NXPH1: variants seen among roughly 807,000 people sequenced by gnomAD.
NXPH1 encodes the protein neurexophilin-1.
NXPH1 carries 5 observed loss-of-function variants against 23.7 expected under a neutral mutation model. The observed-to-expected ratio is 0.21, with a 90% confidence interval of 0.11 to 0.44. NXPH1 has a LOEUF of 0.44. Ranked by LOEUF, NXPH1 falls within the 20% of genes least tolerant of loss-of-function variation. NXPH1 has a pLI of 0.99. For missense variants in NXPH1, 324 were observed against 321.6 expected (o/e 1.01, Z -0.06); for synonymous variants, 144 against 122.2 (o/e 1.18, Z -1.18).
chr7:8,577,742 G>A (rs1172502832), intron 2 of NXPH1, among the ~76,000 whole-genome samples: 9 of 152,196 alleles, frequency 5.9e-5, no homozygotes, highest in Admixed American at 5.9e-4. Flanking sequence ...CTGTGTAACT[G>A]AACAAGTATT....
chr7:8,495,858 G>A (rs1046213380), intron 2 of NXPH1, among the ~76,000 whole-genome samples: 30 of 152,008 alleles, frequency 2.0e-4, no homozygotes, highest in African/African-American at 6.3e-4. Context: ...GGCTGCCACG[G>A]TATTTGTTTG....
chr7:8,551,195 T>C (rs1188459651), intron 2 of NXPH1, among the ~76,000 whole-genome samples: 2 of 151,572 alleles, frequency 1.3e-5, no homozygotes, highest in Admixed American at 1.3e-4. Flanking sequence ...TATTATACCC[T>C]ATTCAATTTC....
In NXPH1 at chr7:8,435,991, T is replaced by C; in HGVS notation, c.54+224T>C. Among the ~76,000 whole-genome samples the C allele has an allele frequency of 6.6e-6, 1 of 152,168 alleles. No individual in the cohort carries two copies. Among genetic ancestry groups the C allele is most frequent in the Non-Finnish European group, 1.5e-5 (1 of 68,024 alleles). ...CCCCCAGTCTCCTGCGCGTGATTCT[T>C]GAAAGGGGCTAGGGCGCCCCAGACA... On this transcript the variant is annotated intron_variant, in intron 2 of 2. Transcript: ENST00000405863. The surrounding 1 kb of genome is among the most constrained non-coding windows in gnomAD (Gnocchi z 5.9).
chr7:8,576,447 C>T (rs1273819870), intron 2 of NXPH1, among the ~76,000 whole-genome samples: 1 of 152,158 alleles, frequency 6.6e-6, no homozygotes, highest in Non-Finnish European at 1.5e-5. Flanking sequence ...GAACTAATTT[C>T]TACTGAAGCG....
At chr7:8,449,806 C>G (rs1816473219) in intron 2 of NXPH1, among the ~76,000 whole-genome samples, 1 of 152,124 alleles carries the variant, frequency 6.6e-6, no homozygotes, top group Non-Finnish European at 1.5e-5. Flanking sequence ...ATTTGGGGAA[C>G]TGGGGTCTGC....
At chr7:8,525,692 G>T (rs1273212965) in intron 2 of NXPH1, among the ~76,000 whole-genome samples, 1 of 152,218 alleles carries the variant, frequency 6.6e-6, no homozygotes, top group African/African-American at 2.4e-5. Flanking sequence ...CCAACATGTA[G>T]CTTAGGCTGT....
chr7:8,691,821 C>T (rs1021307558), intron 2 of NXPH1, among the ~76,000 whole-genome samples: 3 of 152,122 alleles, frequency 2.0e-5, no homozygotes, highest in African/African-American at 7.2e-5. Context: ...TGAACAACTA[C>T]AACACAAGTA....
chr7:8,527,845 T>C (rs1817889692), intron 2 of NXPH1, among the ~76,000 whole-genome samples: 1 of 152,156 alleles, frequency 6.6e-6, no homozygotes, highest in Non-Finnish European at 1.5e-5. Flanking sequence ...CACTTTTTAG[T>C]GTGAGAGATG....
intron 2 of NXPH1, among the ~76,000 whole-genome samples, chr7:8,465,511 A>T (rs1816773040): frequency 6.6e-6 from 1 of 152,138 alleles, no homozygotes; most frequent in African/African-American, 2.4e-5. Flanking sequence ...TGACAAGTAG[A>T]TAGATGAGCT....
intron 2 of NXPH1, among the ~76,000 whole-genome samples, chr7:8,494,226 G>A (rs1817299204): frequency 6.6e-6 from 1 of 151,780 alleles, no homozygotes; most frequent in African/African-American, 2.4e-5. Flanking sequence ...TTTTTTGGCA[G>A]AAAGGCATAA....
At chr7:8,591,982 C>T (rs1819105925) in intron 2 of NXPH1, among the ~76,000 whole-genome samples, 1 of 151,696 alleles carries the variant, frequency 6.6e-6, no homozygotes, top group Non-Finnish European at 1.5e-5. Flanking sequence ...TTTCAGTCTT[C>T]TAGGAGCCAG....
intron 2 of NXPH1, among the ~76,000 whole-genome samples, chr7:8,495,679 A>T (rs183277218): frequency 5.9e-5 from 9 of 152,166 alleles, no homozygotes; most frequent in Middle Eastern, 3.4e-3. Flanking sequence ...AGGAAGAAAG[A>T]AGTGGGATGG....
At chr7:8,744,820 T>C (rs769009183) in intron 2 of NXPH1, among the ~76,000 whole-genome samples, 2 of 152,228 alleles carry the variant, frequency 1.3e-5, no homozygotes, top group African/African-American at 2.4e-5. Flanking sequence ...TAGTTAATCC[T>C]ACGTCTGAAT....
intron 2 of NXPH1, among the ~76,000 whole-genome samples, chr7:8,708,023 CAT>C (rs1366710176): frequency 3.9e-5 from 6 of 152,092 alleles, no homozygotes; most frequent in East Asian, 1.9e-4. Context: ...AATATGCACT[CAT>C]ATATATGAAT....
intron 2 of NXPH1, among the ~76,000 whole-genome samples, chr7:8,579,962 A>T (rs1818834229): frequency 6.6e-6 from 1 of 152,202 alleles, no homozygotes; most frequent in African/African-American, 2.4e-5. Flanking sequence ...TTACATAAAA[A>T]ACGGTTGATG....
chr7:8,523,853 C>T (rs1054387864), intron 2 of NXPH1, among the ~76,000 whole-genome samples: 7 of 152,152 alleles, frequency 4.6e-5, no homozygotes, highest in African/African-American at 1.7e-4. Flanking sequence ...TGCTGTCCTT[C>T]CCCACTAACC....
At chr7:8,631,839 T>C (rs1467838343) in intron 2 of NXPH1, among the ~76,000 whole-genome samples, 1 of 152,174 alleles carries the variant, frequency 6.6e-6, no homozygotes, top group Non-Finnish European at 1.5e-5. Context: ...ACCTTAGAAG[T>C]GTTGTTAGGA....
chr7:8,539,377 G>C (rs1345520064), intron 2 of NXPH1, among the ~76,000 whole-genome samples: 1 of 151,820 alleles, frequency 6.6e-6, no homozygotes, highest in Non-Finnish European at 1.5e-5. Flanking sequence ...AGAGGCCACT[G>C]TCTTTTCTTG....
intron 2 of NXPH1, among the ~76,000 whole-genome samples, chr7:8,461,244 A>G (rs1214034765): frequency 6.6e-6 from 1 of 152,212 alleles, no homozygotes; most frequent in African/African-American, 2.4e-5. Context: ...TTACATGGTT[A>G]GGAAGAGATT....
Sources: gnomAD v4.1 joint callset for allele counts (sites outside exome capture counted in the v4.1 genomes callset) on GRCh38, gnomAD v4.1.1 for gene constraint, Gnocchi (gnomAD v3.1) non-coding constraint, MANE v1.5 for transcripts, NCBI Gene and HGNC (gene_info 2026-07-23, HGNC 2026-07-21) for gene names.